Variants in CENPF observed in about 807,000 individuals in gnomAD.
CENPF encodes the protein centromere protein F.
In CENPF, 214 loss-of-function variants were observed where a neutral mutation model predicts 307.3. The ratio of observed to expected loss-of-function variants is 0.70; its 90% confidence interval spans 0.62 to 0.78. The LOEUF (loss-of-function observed/expected upper bound fraction) is 0.78, where lower values mean the gene tolerates loss of function less well. CENPF is among the 30% of genes least tolerant of loss of function. The pLI is 0.00. For synonymous variants in CENPF, 1,259 were observed against 1,270.6 expected, an observed-to-expected ratio of 0.99 and a Z score of 0.19; for missense variants, 3,401 against 3,483.9, an observed-to-expected ratio of 0.98 and a Z score of 0.60.
At chr1:214,653,097 G>C in intron 16 of CENPF, 108 bp downstream of exon 16, 2 of 1,132,696 alleles carry the variant, frequency 1.8e-6, no homozygotes, top group East Asian at 2.4e-5. Context: ...GAAAATTTTT[G>C]GTAGTCAAAA....
chr1:214,628,023 G>A (rs1657702171), intron 7 of CENPF, among the ~76,000 whole-genome samples: 1 of 152,170 alleles, frequency 6.6e-6, no homozygotes, highest in South Asian at 2.1e-4. Flanking sequence ...GCTGGCAGCA[G>A]ACCTGGAGTT....
intron 7 of CENPF, among the ~76,000 whole-genome samples, chr1:214,627,376 T>TTTC (rs1657684777): frequency 1.4e-5 from 2 of 140,002 alleles, no homozygotes; most frequent in African/African-American, 5.4e-5. Flanking sequence ...GCTCTTTTTT[T>TTTC]TTTTTTTTTT....
chr1:214,644,385 G>C (rs1240786931), intron 12 of CENPF, among the ~76,000 whole-genome samples, 172 bp from the exon 13 acceptor site: 1 of 152,214 alleles, frequency 6.6e-6, no homozygotes, highest in Non-Finnish European at 1.5e-5. Flanking sequence ...GAACGTATAA[G>C]TATGTTGAAC....
Position 214,646,714 on chromosome 1 carries a change from G to A in CENPF, c.7144G>A (p.Gly2382Ser), listed in dbSNP as rs779258589. Residue 2382 changes from glycine to serine, a missense_variant, in exon 13 of 20, where the codon GGT becomes AGT. By Grantham distance (56) the Gly-to-Ser change is moderately conservative. Coordinates refer to ENST00000366955, the MANE Select transcript of CENPF (RefSeq NM_016343.4). Reference protein sequence around the residue: ...KIEGMTQSLRGLELDVVTIRS... With the variant: ...KIEGMTQSLRSLELDVVTIRS... ...AGAAGGGATGACCCAAAGTCTGAGAGGTCTGGAATTAGATGTTGTTACTAT... is the reference window on the plus strand; with the variant it reads ...AGAAGGGATGACCCAAAGTCTGAGAAGTCTGGAATTAGATGTTGTTACTAT... 1.3e-5 allele frequency: 21 copies of A among 1,613,978 alleles called. No homozygotes were observed. The highest frequency in any genetic ancestry group is 1.8e-5 in the Non-Finnish European group (21 of 1,179,990).
rs567266370 is a variant in CENPF, at chr1:214,641,878, AAG to A, written c.3547_3548del (p.Ser1183Ter). On this transcript the variant is annotated frameshift_variant, in exon 12 of 20. Coordinates refer to ENST00000366955, the MANE Select transcript of CENPF (RefSeq NM_016343.4). LOFTEE classifies it high-confidence loss of function. ...SEPIRNSVKERESERNQCNFK... is the reference protein window; with the variant it reads ...SEPIRNSVKEXESERNQCNFK... Reference sequence around the variant, plus strand: ...AACCAATTAGGAACTCTGTGAAAGAAAGAGAGAGTGAGAGAAATCAATGTAAT... The same window carrying A: ...AACCAATTAGGAACTCTGTGAAAGAAAGAGAGTGAGAGAAATCAATGTAAT... 6.2e-7 allele frequency: 1 copy of A among 1,600,152 alleles called. No homozygotes were observed. The highest frequency in any genetic ancestry group is 8.5e-7 in the Non-Finnish European group (1 of 1,176,508).
intron 1 of CENPF, among the ~76,000 whole-genome samples, chr1:214,607,364 G>A (rs571238854): frequency 3.2e-3 from 489 of 152,322 alleles, no homozygotes; most frequent in African/African-American, 0.011. Flanking sequence ...TGGCCATGGC[G>A]GGTGTGACTC....
chr1:214,657,482 C>T, intron 18 of CENPF, 73 bp downstream of exon 18: 1 of 1,143,060 alleles, frequency 8.7e-7, no homozygotes, highest in Non-Finnish European at 1.3e-6. Context: ...TATAAAAAGA[C>T]AAAAGTATTT....
At chr1:214,655,127 G>A (rs1658594580) in intron 16 of CENPF, 114 bp from the exon 17 acceptor site, 1 of 645,638 alleles carries the variant, frequency 1.5e-6, no homozygotes, top group East Asian at 3.2e-5. Flanking sequence ...GTTTTGTATT[G>A]AATCTAATAA....
Position 214,641,273 on chromosome 1 carries a change from C to T in CENPF, c.2935C>T (p.Leu979Phe). Reference protein sequence around the residue: ...IEELTQENGTLKEINASLNQE... With the variant: ...IEELTQENGTFKEINASLNQE... Reference sequence around the variant, plus strand: ...AGAGCTGACCCAAGAGAATGGGACTCTTAAGGAAATTAATGCATCCTTAAA... The same window carrying T: ...AGAGCTGACCCAAGAGAATGGGACTTTTAAGGAAATTAATGCATCCTTAAA... Residue 979 changes from leucine (L) to phenylalanine (F), a missense_variant, in exon 12 of 20, where the codon CTT becomes TTT. Coordinates refer to ENST00000366955, the MANE Select transcript of CENPF (RefSeq NM_016343.4). The T allele has an allele frequency of 6.2e-7, 1 of 1,602,722 alleles. No individual in the cohort carries two copies. The highest frequency in any genetic ancestry group is 8.5e-7 in the Non-Finnish European group (1 of 1,177,216).
rs1191094250 is a variant in CENPF, at chr1:214,662,537, AAGG to A, written c.9142-1051_9142-1049del. 2.0e-5 allele frequency among the ~76,000 whole-genome samples: 3 copies of A among 152,304 alleles called. No homozygotes were observed. The East Asian group carries it at 5.8e-4, about 29-fold the overall frequency. On this transcript the variant is annotated intron_variant, in intron 19 of 19. Transcript: ENST00000366955. ...CCATTCCCTTTTCTTCTTGCATCAG[AAGG>A]AGATCCCTGGAAGTCAGTTGCTCAG...
At chr1:214,652,780 C>T (rs757806615) in intron 15 of CENPF, 48 bp from the exon 16 acceptor site, 36 of 1,479,100 alleles carry the variant, frequency 2.4e-5, no homozygotes, top group Non-Finnish European at 3.2e-5. Flanking sequence ...TTAGCTGTGC[C>T]TCCTGGCTAA....
intron 10 of CENPF, among the ~76,000 whole-genome samples, chr1:214,633,347 CTTAA>C (rs769377417): frequency 3.0e-4 from 46 of 152,184 alleles, no homozygotes; most frequent in Admixed American, 7.2e-4. Flanking sequence ...TTTTAAAGGG[CTTAA>C]TTAAGAACCA....
Position 214,651,278 on chromosome 1 carries a change from T to C in CENPF, c.7984-432T>C, listed in dbSNP as rs1011199705. Among the ~76,000 whole-genome samples, 19 of 152,278 alleles carry C rather than the reference T, an allele frequency of 1.2e-4. 1 individual carries two copies. Among genetic ancestry groups the C allele is most frequent in the Admixed American group, 6.5e-4 (10 of 15,290 alleles). ...GAGGGCATTTGGAAGGAAATTCTTA[T>C]AGTGACAGAACTGGAGTCTAAGCTG... is the stretch of plus-strand genomic sequence containing the variant. On this transcript the variant is annotated intron_variant, in intron 14 of 19. Coordinates refer to ENST00000366955, the MANE Select transcript of CENPF (RefSeq NM_016343.4).
rs974426415 is a variant in CENPF at position 214,608,954 on chromosome 1, GC to G, written c.-41-4753del. 1.2e-3 allele frequency: 1,164 copies of G among 999,326 alleles called. 4 individuals are homozygous for G. Among genetic ancestry groups the G allele is most frequent in the Non-Finnish European group, 1.5e-3 (1,096 of 748,034 alleles). The allele number at this position is 999,326 out of a possible 1,614,324, so 61.9% of individuals were successfully genotyped here. A position where few individuals can be genotyped will look rare whatever the true frequency, so the allele number is the denominator to read the frequency against. ...CCGAGTCGCGGGCAGGGGGGAGGGC[GC>G]CCCCCCAGCTACGGCCCCAGACGGC... is the stretch of plus-strand genomic sequence containing the variant. On this transcript the variant is annotated intron_variant, in intron 1 of 19. Transcript: ENST00000366955.
intron 17 of CENPF, 59 bp from the exon 18 acceptor site, chr1:214,656,874 C>A: frequency 9.0e-7 from 1 of 1,109,026 alleles, no homozygotes; most frequent in Non-Finnish European, 1.3e-6. Context: ...CTTCACGATG[C>A]CCATTGTTAA....
At chr1:214,626,644 T>C (rs1657662150) in intron 7 of CENPF, among the ~76,000 whole-genome samples, 1 of 152,202 alleles carries the variant, frequency 6.6e-6, no homozygotes, top group Non-Finnish European at 1.5e-5. Flanking sequence ...GTTTTATTGC[T>C]TTTTGAGTTA....
At chr1:214,634,044 G>A (rs986542007) in intron 10 of CENPF, among the ~76,000 whole-genome samples, 4 of 152,182 alleles carry the variant, frequency 2.6e-5, no homozygotes, top group Non-Finnish European at 5.9e-5. Flanking sequence ...GTAGTGGGCT[G>A]GACATTGTCT....
Position 214,641,134 on chromosome 1 carries a change from G to C in CENPF, c.2796G>C (p.Lys932Asn). The change falls in exon 12 of 20, where the codon AAG becomes AAC. Residue 932 changes from lysine (K) to asparagine (N), a missense_variant. Transcript: ENST00000366955. ...AGGCAGAGATTCAAGAATTAAAAAA[G>C]AGCAACCATCTACTTGAAGACTCTC... The part of the protein sequence containing the change: ...TEQAEIQELK[K>N]SNHLLEDSLK... The C allele has an allele frequency of 1.3e-6, 2 of 1,582,184 alleles. No homozygotes were observed. Among genetic ancestry groups the C allele is most frequent in the Non-Finnish European group, 8.5e-7 (1 of 1,172,224 alleles).
At chr1:214,620,547 G>A in intron 5 of CENPF, 108 bp from the exon 6 acceptor site, 1 of 1,121,178 alleles carries the variant, frequency 8.9e-7, no homozygotes, top group South Asian at 1.5e-5. Context: ...TTGGTATGCA[G>A]TGCAACTGTT....
Sources: allele counts gnomAD v4.1 joint callset (sites outside exome capture counted in the v4.1 genomes callset), GRCh38; gene constraint gnomAD v4.1.1; transcripts MANE v1.5; gene names NCBI Gene and HGNC (gene_info 2026-07-23, HGNC 2026-07-21).